RGS3: variants seen among roughly 807,000 people sequenced by gnomAD.
The protein encoded by RGS3 is regulator of G protein signaling 3, also known as regulator of G-protein signalling 3.
A neutral mutation model predicts 132.6 loss-of-function variants in RGS3; 80 were observed. The ratio of observed to expected loss-of-function variants is 0.60; its 90% CI spans 0.50 to 0.73. RGS3 has a LOEUF of 0.73. RGS3 is among the 30% of genes least tolerant of loss of function. The probability of loss-of-function intolerance (pLI) is 0.00; values close to 1 mark genes in which losing one functional copy is unlikely to be tolerated. For synonymous variants in RGS3, 598 were observed against 620.6 expected (o/e 0.96, Z 0.54); for missense variants, 1,382 against 1,530.8 (o/e 0.90, Z 1.62).
At chr9:113,531,714 G>A (rs191028251) in intron 18 of RGS3, among the ~76,000 whole-genome samples, 1 of 152,248 alleles carries the variant, frequency 6.6e-6, no homozygotes, top group African/African-American at 2.4e-5. Flanking sequence ...TCTGGAGGAG[G>A]CAGAAGACAA....
chr9:113,595,114 G>A (rs1315866473), intron 23 of RGS3, 134 bp downstream of exon 21: 13 of 848,118 alleles, frequency 1.5e-5, no homozygotes, highest in East Asian at 1.1e-4. Flanking sequence ...TTGCTGTTGC[G>A]GAGGGGCTGA....
chr9:113,470,918 T>C (rs1408751046), intron 3 of RGS3, among the ~76,000 whole-genome samples: 2 of 152,184 alleles, frequency 1.3e-5, no homozygotes, highest in East Asian at 1.9e-4. Flanking sequence ...TGAGCTGTGA[T>C]TGTGATACTG....
intron 1 of RGS3, among the ~76,000 whole-genome samples, chr9:113,454,108 C>T (rs1829315502): frequency 6.6e-6 from 1 of 152,070 alleles, no homozygotes. Flanking sequence ...GCCACCATAC[C>T]TGGCGTACTT....
chr9:113,462,194 G>C lies in RGS3; in HGVS notation c.408G>C (p.Gln136His), dbSNP rs1005987079. 7 of 1,613,368 alleles carry C rather than the reference G, an allele frequency of 4.3e-6. No individual in the cohort carries two copies. The African/African-American group carries it at 9.3e-5, about 22-fold the overall frequency. ...AGAGGATCACGCATGCCAAAGTCCA[G>C]GGTGCAGGTAAGTCCATCTGTCACT... Residue 136 changes from glutamine to histidine, a missense_variant, in exon 3 of 25, where the codon CAG (glutamine) becomes CAC (histidine). Transcript: ENST00000350696.
chr9:113,547,157 T>C (rs537034759), intron 19 of RGS3, among the ~76,000 whole-genome samples: 3 of 152,298 alleles, frequency 2.0e-5, no homozygotes, highest in East Asian at 1.9e-4. Context: ...AACATTTCCA[T>C]GAGGGATTTC....
intron 4 of RGS3, among the ~76,000 whole-genome samples, chr9:113,480,385 G>A (rs796870541): frequency 1.3e-5 from 2 of 151,538 alleles, no homozygotes; most frequent in Admixed American, 6.6e-5. Flanking sequence ...CTAGAACCCA[G>A]GAGGTGGAGG....
chr9:113,457,100 C>T (rs1004602425), upstream of RGS3, among the ~76,000 whole-genome samples: 1 of 152,066 alleles, frequency 6.6e-6, no homozygotes, highest in African/African-American at 2.4e-5. Context: ...CTGGCCGAGG[C>T]CCTGTATGAT....
chr9:113,497,321 GTGGTTGGT>G lies in RGS3; in HGVS notation c.759_766del (p.Ser253ArgfsTer38). 1 of 1,612,640 alleles carries G rather than the reference GTGGTTGGT, an allele frequency of 6.2e-7. No homozygotes were observed. Among genetic ancestry groups the G allele is most frequent in the Non-Finnish European group, 8.5e-7 (1 of 1,179,178 alleles). On this transcript the variant is annotated frameshift_variant, in exon 9 of 25. Coordinates refer to ENST00000350696, the Ensembl canonical transcript of RGS3. LOFTEE classifies it high-confidence loss of function. ...TTCCTTCTCTCGTGACAGGAGATCA[GTGGTTGGT>G]ACTACCTCCTAGGGGAGCACCTGGG...
chr9:113,461,383 T>C (rs1319023371), intron 1 of RGS3, among the ~76,000 whole-genome samples: 1 of 152,146 alleles, frequency 6.6e-6, no homozygotes, highest in Non-Finnish European at 1.5e-5. Context: ...TGTGGGTTAA[T>C]AGGGCCAGTC....
chr9:113,523,624 A>G (rs536190078), intron 17 of RGS3, among the ~76,000 whole-genome samples: 1 of 152,052 alleles, frequency 6.6e-6, no homozygotes. Context: ...CGTGGAGGGA[A>G]TTTCTAACCC....
chr9:113,595,002 A>T, intron 23 of RGS3, 22 bp downstream of exon 21: 1 of 1,611,326 alleles, frequency 6.2e-7, no homozygotes, highest in South Asian at 1.1e-5. Flanking sequence ...CTGCCTGCCC[A>T]CTCCCTGTGC....
At chr9:113,522,693 T>A in intron 16 of RGS3, 2 of 526,598 alleles carry the variant, frequency 3.8e-6, no homozygotes, top group South Asian at 4.6e-5. Flanking sequence ...TGTTTGCTTT[T>A]TTCCTACTTT....
At chr9:113,544,337 G>A (rs1387332518) in intron 19 of RGS3, among the ~76,000 whole-genome samples, 1 of 149,632 alleles carries the variant, frequency 6.7e-6, no homozygotes, top group Non-Finnish European at 1.5e-5. Context: ...TCAGGCTCTG[G>A]TTCTTTTAAA....
chr9:113,566,480 G>A (rs1357197202), intron 19 of RGS3, among the ~76,000 whole-genome samples: 7 of 152,122 alleles, frequency 4.6e-5, no homozygotes, highest in Non-Finnish European at 1.0e-4. Flanking sequence ...TGAACCCTAG[G>A]ACTCAGGGCA....
chr9:113,491,200 C>T (rs1238628710), intron 7 of RGS3, among the ~76,000 whole-genome samples: 4 of 144,332 alleles, frequency 2.8e-5, no homozygotes, highest in African/African-American at 1.0e-4. Context: ...TATATGTAAA[C>T]ATTATTTATA....
intron 19 of RGS3, among the ~76,000 whole-genome samples, chr9:113,577,573 A>G (rs1834589739): frequency 6.6e-6 from 1 of 152,116 alleles, no homozygotes; most frequent in South Asian, 2.1e-4. Flanking sequence ...TAGGGCTTGT[A>G]GAGTTGGGGG....
Position 113,463,762 on chromosome 9 carries a change from T to TCGGGTTGCAGACGCTCCTGTC in RGS3, c.415+1567_415+1587dup. The TCGGGTTGCAGACGCTCCTGTC allele has an allele frequency of 1.3e-6, 2 of 1,575,420 alleles. No individual in the cohort carries two copies. Among genetic ancestry groups the TCGGGTTGCAGACGCTCCTGTC allele is most frequent in the East Asian group, 4.6e-5 (2 of 43,294 alleles). Reference sequence around the variant, plus strand: ...GTTACTGGGGAGCAACACAGCCGCCTCGGGTTGCAGACGCTCCTGTCCGGG... The same window carrying TCGGGTTGCAGACGCTCCTGTC: ...GTTACTGGGGAGCAACACAGCCGCCTCGGGTTGCAGACGCTCCTGTCCGGGTTGCAGACGCTCCTGTCCGGG... On this transcript the variant is annotated intron_variant, in intron 3 of 24. Coordinates refer to ENST00000350696, the Ensembl canonical transcript of RGS3. This position sits in a 1 kb window ranked among gnomAD's most constrained non-coding sequence, Gnocchi z 4.6.
intron 10 of RGS3, 79 bp downstream of exon 8, chr9:113,498,159 A>C: frequency 1.6e-6 from 2 of 1,279,556 alleles, no homozygotes; most frequent in Non-Finnish European, 2.3e-6. Context: ...GAAACCCCTA[A>C]AGGGGCAGCA....
At chr9:113,570,402 C>T (rs930355034) in intron 19 of RGS3, 4 of 151,992 alleles carry the variant, frequency 2.6e-5, no homozygotes, top group African/African-American at 4.8e-5. Flanking sequence ...AGGAGCTCAC[C>T]GAGAAGCAGT....
Sources: allele counts gnomAD v4.1 joint callset (sites outside exome capture counted in the v4.1 genomes callset), GRCh38; gene constraint gnomAD v4.1.1; non-coding constraint Gnocchi (gnomAD v3.1); transcripts MANE v1.5; gene names NCBI Gene and HGNC (gene_info 2026-07-23, HGNC 2026-07-21).